Variants in NHEJ1 observed in about 807,000 individuals in gnomAD.
The protein encoded by NHEJ1 is non-homologous end joining factor 1.
In NHEJ1, 22 loss-of-function variants were observed where a neutral mutation model predicts 39.4. That is an observed-to-expected ratio of 0.56 (90% confidence interval 0.40 to 0.80). NHEJ1 has a LOEUF of 0.80. Among genes scored for constraint, NHEJ1 ranks in the 30% least tolerant of loss-of-function variants. The pLI is 0.00. For missense variants in NHEJ1, 329 were observed against 357.1 expected, an observed-to-expected ratio of 0.92 and a Z score of 0.63; for synonymous variants, 154 against 135.6, an observed-to-expected ratio of 1.14 and a Z score of -0.94.
At chr2:219,098,626 G>T (rs576632527) in intron 5 of NHEJ1, among the ~76,000 whole-genome samples, 1 of 152,234 alleles carries the variant, frequency 6.6e-6, no homozygotes, top group South Asian at 2.1e-4. Context: ...CATTAAGGCT[G>T]CATTTGAGAG....
At chr2:219,129,707 A>G (rs893656602) in intron 5 of NHEJ1, among the ~76,000 whole-genome samples, 2 of 152,242 alleles carry the variant, frequency 1.3e-5, no homozygotes, top group African/African-American at 4.8e-5. Context: ...GGTGTGGTCA[A>G]CAAGAGGCTG....
At chr2:219,085,261 C>T (rs774878494) in intron 5 of NHEJ1, among the ~76,000 whole-genome samples, 45 of 152,290 alleles carry the variant, frequency 3.0e-4, no homozygotes, top group Middle Eastern at 3.4e-3. Context: ...GTTTCATTCT[C>T]CTTTCTCCTC....
At chr2:219,143,597 T>C (rs868098414) in intron 5 of NHEJ1, among the ~76,000 whole-genome samples, 5 of 152,304 alleles carry the variant, frequency 3.3e-5, no homozygotes, top group Middle Eastern at 6.8e-3. Flanking sequence ...ATCTATAAAA[T>C]AGAAAGCTGT....
At position 219,076,235 on chromosome 2, in the gene NHEJ1, A is replaced by G; in HGVS notation, c.*146T>C. ...AAGGCCAATTCCCTGTGGGCCTGTC[A>G]ACATCAACTTCAGTTCTCTCGCCCT... is the stretch of plus-strand genomic sequence containing the variant. On this transcript the variant is annotated 3_prime_UTR_variant, in exon 8 of 8. Coordinates refer to ENST00000356853, the MANE Select transcript of NHEJ1 (RefSeq NM_024782.3). The G allele has an allele frequency of 6.5e-7, 1 of 1,537,024 alleles. No individual in the cohort carries two copies. Among genetic ancestry groups the G allele is most frequent in the Non-Finnish European group, 8.8e-7 (1 of 1,139,646 alleles).
chr2:219,146,624 G>A, intron 5 of NHEJ1, 56 bp downstream of exon 5: 1 of 1,388,310 alleles, frequency 7.2e-7, no homozygotes, highest in African/African-American at 1.4e-5. Context: ...GGCCACTCAG[G>A]CACCTGGAAA....
chr2:219,148,887 CCT>C (rs1491110695), intron 3 of NHEJ1, among the ~76,000 whole-genome samples: 1 of 151,774 alleles, frequency 6.6e-6, no homozygotes, highest in Non-Finnish European at 1.5e-5. Flanking sequence ...CACAACCCCC[CCT>C]TTTTTTTTTT....
rs957356467 is a variant in NHEJ1, at chr2:219,075,322, T to G, written c.*1059A>C. ...TGCTCAATAAATGTTAGCTATTTAT[T>G]ATTGTTGTTCTTATTATAATTATTT... is the stretch of plus-strand genomic sequence containing the variant. On this transcript the variant is annotated 3_prime_UTR_variant, in exon 8 of 8. Coordinates refer to ENST00000356853, the MANE Select transcript of NHEJ1 (RefSeq NM_024782.3). 2 of 152,350 alleles carry G rather than the reference T, an allele frequency of 1.3e-5. No homozygotes were observed. The highest frequency in any genetic ancestry group is 3.9e-4 in the East Asian group (2 of 5,194). The allele number at this position is 152,350 out of a possible 1,614,324, so 9.4% of individuals were successfully genotyped here.
intron 5 of NHEJ1, among the ~76,000 whole-genome samples, chr2:219,107,200 T>C (rs1172691277): frequency 6.6e-6 from 1 of 152,238 alleles, no homozygotes; most frequent in Non-Finnish European, 1.5e-5. Context: ...TAACTGCTAA[T>C]GATCTGTCAA....
chr2:219,113,797 A>G (rs1199967856), intron 5 of NHEJ1, among the ~76,000 whole-genome samples: 1 of 152,170 alleles, frequency 6.6e-6, no homozygotes, highest in Non-Finnish European at 1.5e-5. Context: ...AAGGTATTCC[A>G]TACTTGGAAT....
intron 5 of NHEJ1, among the ~76,000 whole-genome samples, chr2:219,115,150 T>TAAAAAG (rs1398370067): frequency 1.1e-3 from 60 of 54,548 alleles, no homozygotes; most frequent in Non-Finnish European, 1.9e-3. Flanking sequence ...CACCGTATTT[T>TAAAAAG]AAAAAGAAGA....
intron 5 of NHEJ1, among the ~76,000 whole-genome samples, chr2:219,126,695 A>G (rs898205816): frequency 2.0e-5 from 3 of 151,760 alleles, no homozygotes; most frequent in East Asian, 1.9e-4. Flanking sequence ...ATTATAGTAC[A>G]GTGTTGATAT....
intron 5 of NHEJ1, among the ~76,000 whole-genome samples, chr2:219,127,742 T>C (rs866461072): frequency 6.6e-5 from 10 of 152,204 alleles, no homozygotes; most frequent in Non-Finnish European, 2.9e-5. Context: ...AACTAGCAAA[T>C]GAACTCTATG....
chr2:219,076,415 A>G lies in NHEJ1; in HGVS notation c.866T>C (p.Val289Ala), dbSNP rs772619755. 3.7e-6 allele frequency: 6 copies of G among 1,613,880 alleles called. No homozygotes were observed. Among genetic ancestry groups the G allele is most frequent in the Non-Finnish European group, 5.1e-6 (6 of 1,180,024 alleles). Residue 289 changes from valine to alanine, a missense_variant, in exon 8 of 8, where the codon GTC (valine) becomes GCC (alanine). Val to Ala is a moderately conservative substitution (Grantham distance 64). Transcript: ENST00000356853. ...GAGACCCCTTGGCTTCTTCCTCTTG[A>G]CCTTTGACAGCTGAGGTCTCTGCAG... is the stretch of plus-strand genomic sequence containing the variant. ...GPLQRPQLSK[V>A]KRKKPRGLFS
intron 5 of NHEJ1, among the ~76,000 whole-genome samples, chr2:219,136,833 C>T (rs370709977): frequency 6.6e-6 from 1 of 152,072 alleles, no homozygotes; most frequent in Non-Finnish European, 1.5e-5. Context: ...AAACTCCCGA[C>T]CTCAACTGAT....
rs1238282553 is a variant in NHEJ1, at chr2:219,076,446, C to T, written c.835G>A (p.Gly279Ser). The change falls in exon 8 of 8, where the codon GGC becomes AGC. Residue 279 changes from glycine (G) to serine (S), a missense_variant. Coordinates refer to ENST00000356853, the MANE Select transcript of NHEJ1 (RefSeq NM_024782.3). ...APEKESTGTSGPLQRPQLSKV... is the reference protein window; with the variant it reads ...APEKESTGTSSPLQRPQLSKV... ...GACAGCTGAGGTCTCTGCAGAGGGC[C>T]TGAAGTACCCTAGAAAAAAGGGAAC... The T allele has an allele frequency of 6.2e-7, 1 of 1,613,852 alleles. No homozygotes were observed. Among genetic ancestry groups the T allele is most frequent in the Non-Finnish European group, 8.5e-7 (1 of 1,179,998 alleles).
intron 5 of NHEJ1, among the ~76,000 whole-genome samples, chr2:219,127,613 TCTCAAC>T (rs1949537659): frequency 6.6e-6 from 1 of 152,182 alleles, no homozygotes; most frequent in African/African-American, 2.4e-5. Flanking sequence ...ATCCAAGATC[TCTCAAC>T]CTCTAAAAAC....
chr2:219,095,189 C>T (rs1949194626), intron 5 of NHEJ1: 3 of 430,844 alleles, frequency 7.0e-6, no homozygotes, highest in Non-Finnish European at 1.5e-5. Flanking sequence ...TCCTTTCCCA[C>T]TTCCATTCAG....
intron 5 of NHEJ1, among the ~76,000 whole-genome samples, chr2:219,145,664 T>A (rs945438620): frequency 2.0e-5 from 3 of 152,228 alleles, no homozygotes; most frequent in Non-Finnish European, 2.9e-5. Flanking sequence ...CCGGGCGCAG[T>A]GGCTCACACT....
At chr2:219,107,817 T>G (rs1949327903) in intron 5 of NHEJ1, among the ~76,000 whole-genome samples, 1 of 151,996 alleles carries the variant, frequency 6.6e-6, no homozygotes, top group African/African-American at 2.4e-5. Flanking sequence ...AAGATATACA[T>G]ATGGCAAAAC....
Sources: gnomAD v4.1 joint callset for allele counts (sites outside exome capture counted in the v4.1 genomes callset) on GRCh38, gnomAD v4.1.1 for gene constraint, MANE v1.5 for transcripts, NCBI Gene and HGNC (gene_info 2026-07-23, HGNC 2026-07-21) for gene names.